The following KPNA3 variants were observed in gnomAD, a reference collection of about 807,000 sequenced individuals.
The protein encoded by KPNA3 is importin subunit alpha-4.
Under a neutral mutation model 73.8 loss-of-function variants are expected in KPNA3, and 13 were observed. That is an observed-to-expected ratio of 0.18 (90% confidence interval 0.11 to 0.28). The LOEUF is 0.28. KPNA3 is among the 10% of genes least tolerant of loss of function. KPNA3 has a pLI of 1.00. For missense variants in KPNA3, 360 were observed against 618.1 expected, an observed-to-expected ratio of 0.58 and a Z score of 4.43; for synonymous variants, 186 against 206.9, an observed-to-expected ratio of 0.90 and a Z score of 0.87.
chr13:49,759,935 A>T (rs1035221837), intron 1 of KPNA3, among the ~76,000 whole-genome samples: 1 of 152,164 alleles, frequency 6.6e-6, no homozygotes, highest in Non-Finnish European at 1.5e-5. Context: ...AATGTTCCTC[A>T]GTGGTGATGT....
At chr13:49,760,795 T>A (rs1171110719) in intron 1 of KPNA3, among the ~76,000 whole-genome samples, 1 of 152,102 alleles carries the variant, frequency 6.6e-6, no homozygotes, top group African/African-American at 2.4e-5. Flanking sequence ...TTTGAGTTAG[T>A]AGACTGATAG....
At chr13:49,732,860 T>G (rs1270387326) in intron 3 of KPNA3, 84 bp from the exon 4 acceptor site, 1 of 1,305,874 alleles carries the variant, frequency 7.7e-7, no homozygotes, top group Non-Finnish European at 1.1e-6. Context: ...TAATATACTT[T>G]CATTATCATT....
At chr13:49,711,654 G>A (rs1043076276) in intron 10 of KPNA3, among the ~76,000 whole-genome samples, 2 of 152,148 alleles carry the variant, frequency 1.3e-5, no homozygotes, top group African/African-American at 2.4e-5. Context: ...CAGGCTTAGC[G>A]ATCTGGTGAT....
intron 2 of KPNA3, among the ~76,000 whole-genome samples, chr13:49,741,004 T>A (rs1326078576): frequency 6.6e-6 from 1 of 152,206 alleles, no homozygotes; most frequent in East Asian, 1.9e-4. Flanking sequence ...TAAAAAGTAT[T>A]CCACTATGTA....
chr13:49,728,796 C>T (rs1191275515), intron 6 of KPNA3, among the ~76,000 whole-genome samples: 1 of 152,188 alleles, frequency 6.6e-6, no homozygotes, highest in East Asian at 1.9e-4. Flanking sequence ...GAGAGCTTTA[C>T]CAGAGAGTCT....
intron 15 of KPNA3, among the ~76,000 whole-genome samples, chr13:49,703,703 C>T (rs1954174156): frequency 6.6e-6 from 1 of 152,110 alleles, no homozygotes; most frequent in South Asian, 2.1e-4. Flanking sequence ...GAACAGATAT[C>T]ATAGAATGCC....
intron 7 of KPNA3, among the ~76,000 whole-genome samples, chr13:49,724,017 G>T (rs964779275): frequency 5.3e-5 from 8 of 152,046 alleles, no homozygotes; most frequent in African/African-American, 1.9e-4. Context: ...GCCTATTCTG[G>T]ACATTTCATA....
At chr13:49,754,173 GTAATCCAATCCCA>G (rs1954690855) in intron 1 of KPNA3, among the ~76,000 whole-genome samples, 3 of 152,026 alleles carry the variant, frequency 2.0e-5, no homozygotes, top group Non-Finnish European at 4.4e-5. Flanking sequence ...GGTTGCACCT[GTAATCCAATCCCA>G]GCTATTCCCG....
At chr13:49,760,190 G>A (rs573579303) in intron 1 of KPNA3, among the ~76,000 whole-genome samples, 1 of 152,158 alleles carries the variant, frequency 6.6e-6, no homozygotes, top group Non-Finnish European at 1.5e-5. Flanking sequence ...CAAGAAGACT[G>A]CTTGAGCTCA....
At chr13:49,720,727 C>T (rs1477852596) in intron 9 of KPNA3, among the ~76,000 whole-genome samples, 2 of 88,364 alleles carry the variant, frequency 2.3e-5, no homozygotes, top group Admixed American at 3.0e-4. Context: ...GCGAGACTGT[C>T]TCAAAAAAAA....
At chr13:49,720,069 G>C (rs1033472615) in intron 9 of KPNA3, among the ~76,000 whole-genome samples, 4 of 152,180 alleles carry the variant, frequency 2.6e-5, no homozygotes, top group Non-Finnish European at 5.9e-5. Flanking sequence ...TCTGGCAGAA[G>C]TTAATGTACC....
chr13:49,726,427 T>C (rs992067940), intron 6 of KPNA3, among the ~76,000 whole-genome samples: 1 of 152,116 alleles, frequency 6.6e-6, no homozygotes, highest in African/African-American at 2.4e-5. Context: ...CATGGAAGGA[T>C]CATGATGTGT....
In KPNA3 at chr13:49,722,463, T is replaced by TTCAA. The variant is rs1225722618; in HGVS notation, c.556+10_556+13dup. On this transcript the variant is annotated intron_variant, in intron 8 of 16. Transcript: ENST00000261667. ...AATTTAGATTCTTAAGAGGATTCCTTTCAAACCACTTACCTATAATGTTTC... is the reference window on the plus strand; with the variant it reads ...AATTTAGATTCTTAAGAGGATTCCTTTCAATCAAACCACTTACCTATAATGTTTC... 1.9e-6 allele frequency: 3 copies of TTCAA among 1,563,938 alleles called. No homozygotes were observed. Among genetic ancestry groups the TTCAA allele is most frequent in the South Asian group, 1.2e-5 (1 of 86,936 alleles).
At chr13:49,766,698 A>G (rs1247984294) in intron 1 of KPNA3, among the ~76,000 whole-genome samples, 1 of 152,190 alleles carries the variant, frequency 6.6e-6, no homozygotes, top group African/African-American at 2.4e-5. Context: ...CGGAAACTTC[A>G]AACTTCCTTC....
intron 2 of KPNA3, among the ~76,000 whole-genome samples, chr13:49,740,910 T>A (rs1271215241): frequency 6.6e-6 from 1 of 152,186 alleles, no homozygotes; most frequent in Non-Finnish European, 1.5e-5. Context: ...ACTTGCCTTG[T>A]TTGCCTGGCT....
intron 1 of KPNA3, among the ~76,000 whole-genome samples, chr13:49,750,468 T>A (rs945317051): frequency 2.0e-5 from 3 of 151,806 alleles, no homozygotes; most frequent in African/African-American, 7.3e-5. Flanking sequence ...ATTTTTCATT[T>A]TTTGTAGAGG....
intron 10 of KPNA3, among the ~76,000 whole-genome samples, chr13:49,712,957 CCTAA>C (rs1381862140): frequency 4.0e-5 from 6 of 150,142 alleles, no homozygotes; most frequent in African/African-American, 1.5e-4. Flanking sequence ...TGTGAATGGG[CCTAA>C]CTAACCTATT....
chr13:49,765,874 TCTGCAAGTCCCATAAC>T (rs1954803885), intron 1 of KPNA3, among the ~76,000 whole-genome samples: 1 of 152,202 alleles, frequency 6.6e-6, no homozygotes, highest in Non-Finnish European at 1.5e-5. Context: ...TTTGGTGTGT[TCTGCAAGTCCCATAAC>T]CTTGGGAATT....
chr13:49,721,197 C>A (rs1317781900), intron 9 of KPNA3, among the ~76,000 whole-genome samples: 1 of 151,250 alleles, frequency 6.6e-6, no homozygotes, highest in African/African-American at 2.4e-5. Flanking sequence ...CCAGCCTGGG[C>A]AATAGAACAA....
Sources: gnomAD v4.1 joint callset for allele counts (sites outside exome capture counted in the v4.1 genomes callset) on GRCh38, gnomAD v4.1.1 for gene constraint, MANE v1.5 for transcripts, NCBI Gene and HGNC (gene_info 2026-07-23, HGNC 2026-07-21) for gene names.